Variants in PSMA3 observed in about 807,000 individuals in gnomAD.
The protein encoded by PSMA3 is proteasome 20S subunit alpha 3.
PSMA3 carries 8 observed loss-of-function variants against 40.0 expected under a neutral mutation model. The observed-to-expected ratio is 0.20, with a 90% confidence interval of 0.12 to 0.36. The LOEUF is 0.36. PSMA3 is among the 10% of genes least tolerant of loss of function. The pLI is 1.00. For synonymous variants in PSMA3, 110 were observed against 100.0 expected, an observed-to-expected ratio of 1.10 and a Z score of -0.59; for missense variants, 219 against 310.6, an observed-to-expected ratio of 0.70 and a Z score of 2.22.
rs774643902 is a variant in PSMA3, at chr14:58,270,453, C to T, written c.626C>T (p.Ala209Val). 1 of 1,613,654 alleles carries T rather than the reference C, an allele frequency of 6.2e-7. No individual in the cohort carries two copies. Among genetic ancestry groups the T allele is most frequent in the East Asian group, 2.2e-5 (1 of 44,768 alleles). ...YIVHDEVKDK[A>V]FELELSWVGE... ...GTACATGACGAAGTTAAGGATAAAG[C>T]TTTTGAACTAGAACTCAGCTGGGTT... is the stretch of plus-strand genomic sequence containing the variant. Residue 209 changes from alanine to valine, a missense_variant, in exon 9 of 11, where the codon GCT becomes GTT. Coordinates refer to ENST00000216455, the MANE Select transcript of PSMA3 (RefSeq NM_002788.4).
At chr14:58,250,988 CAG>C (rs1419749408) in intron 2 of PSMA3, among the ~76,000 whole-genome samples, 1 of 151,958 alleles carries the variant, frequency 6.6e-6, no homozygotes, top group African/African-American at 2.4e-5. Flanking sequence ...TTATCCAAAA[CAG>C]AGAAGTTGTG....
rs182820963 is a variant in PSMA3 at position 58,245,196 on chromosome 14, C to G, written c.21+255C>G. On this transcript the variant is annotated intron_variant, in intron 1 of 10. Transcript: ENST00000216455. ...GCGTCGCCGCAGTGAGGTTTGGAGC[C>G]GCTTTGGATTGCTGAGTCACTTTCT... The G allele has an allele frequency of 3.9e-5, 20 of 512,688 alleles. No individual in the cohort carries two copies. In the Admixed American group the frequency reaches 5.3e-4, roughly 14 times the overall value. The allele number at this position is 512,688 out of a possible 1,614,324, so 31.8% of individuals were successfully genotyped here. A position where few individuals can be genotyped will look rare whatever the true frequency, so the allele number is the denominator to read the frequency against.
intron 1 of PSMA3, 32 bp from the exon 2 acceptor site, chr14:58,247,718 T>C: frequency 7.0e-7 from 1 of 1,431,580 alleles, no homozygotes; most frequent in Non-Finnish European, 9.7e-7. Flanking sequence ...CTGCCAAAGA[T>C]ACAAGCTTAC....
intron 5 of PSMA3, among the ~76,000 whole-genome samples, chr14:58,259,107 T>A (rs182017259): frequency 8.5e-5 from 13 of 152,222 alleles, no homozygotes; most frequent in African/African-American, 2.4e-4. Flanking sequence ...AACAAAATTT[T>A]TTTTTGTAGA....
chr14:58,270,231 T>C, intron 8 of PSMA3, 187 bp from the exon 9 acceptor site: 2 of 808,580 alleles, frequency 2.5e-6, no homozygotes, highest in Non-Finnish European at 3.6e-6. Flanking sequence ...GAGTAGATGT[T>C]TCATTTTATT....
chr14:58,263,480 T>C lies in PSMA3; in HGVS notation c.478-225T>C, dbSNP rs1193942840. 10 of 382,028 alleles carry C rather than the reference T, an allele frequency of 2.6e-5. No homozygotes were observed. In the South Asian group the frequency reaches 3.4e-4, roughly 13 times the overall value. The allele number at this position is 382,028 out of a possible 1,614,324, so 23.7% of individuals were successfully genotyped here. On this transcript the variant is annotated intron_variant, in intron 6 of 10. Transcript: ENST00000216455. Reference sequence around the variant, plus strand: ...TATATGATTACATAATTTACATATTTTTGGATATACCTTTATTAAAAATAC... The same window carrying C: ...TATATGATTACATAATTTACATATTCTTGGATATACCTTTATTAAAAATAC...
chr14:58,255,563 G>A (rs2140084966), intron 3 of PSMA3, among the ~76,000 whole-genome samples: 1 of 152,298 alleles, frequency 6.6e-6, no homozygotes, highest in East Asian at 1.9e-4. Flanking sequence ...GAGGTCGAAA[G>A]TTCAAGACCA....
intron 6 of PSMA3, 36 bp downstream of exon 6, chr14:58,261,056 G>T: frequency 7.2e-7 from 1 of 1,396,762 alleles, no homozygotes; most frequent in Non-Finnish European, 1.0e-6. Context: ...TTCTATTTTA[G>T]TTTAATGGTA....
chr14:58,256,268 T>G (rs952640827), intron 3 of PSMA3, among the ~76,000 whole-genome samples: 1 of 152,198 alleles, frequency 6.6e-6, no homozygotes, highest in African/African-American at 2.4e-5. Context: ...AACAAAACAG[T>G]TACAGGTTGA....
intron 8 of PSMA3, 192 bp downstream of exon 8, chr14:58,267,712 G>A: frequency 9.6e-7 from 1 of 1,047,088 alleles, no homozygotes; most frequent in Non-Finnish European, 1.2e-6. Context: ...TAGTAGTAAT[G>A]AATAGGATGG....
chr14:58,258,257 G>C (rs1890194366), intron 5 of PSMA3: 2 of 371,860 alleles, frequency 5.4e-6, no homozygotes, highest in African/African-American at 2.0e-5. Context: ...GGCCAACGCA[G>C]TGAGAACCTA....
chr14:58,258,048 T>G (rs1298052324), intron 5 of PSMA3, 50 bp downstream of exon 5: 1 of 1,398,236 alleles, frequency 7.2e-7, no homozygotes, highest in East Asian at 2.3e-5. Flanking sequence ...CTATAGATAT[T>G]TATTATGTTC....
At chr14:58,260,113 TA>T (rs905914806) in intron 5 of PSMA3, among the ~76,000 whole-genome samples, 4 of 152,150 alleles carry the variant, frequency 2.6e-5, no homozygotes, top group Non-Finnish European at 4.4e-5. Flanking sequence ...CTAAGGCAAA[TA>T]TAGTTGTCCC....
chr14:58,268,546 T>C (rs545034363), intron 8 of PSMA3, among the ~76,000 whole-genome samples: 2 of 152,100 alleles, frequency 1.3e-5, no homozygotes, highest in African/African-American at 4.8e-5. Flanking sequence ...CATTCTATGA[T>C]TGTCAGTTAA....
At chr14:58,251,635 C>T (rs183853117) in intron 2 of PSMA3, among the ~76,000 whole-genome samples, 19 of 152,142 alleles carry the variant, frequency 1.2e-4, no homozygotes, top group Admixed American at 2.6e-4. Context: ...TTTTTATATA[C>T]GTATTAGAAG....
chr14:58,255,934 C>G (rs779081804), intron 3 of PSMA3, among the ~76,000 whole-genome samples: 2 of 152,186 alleles, frequency 1.3e-5, no homozygotes, highest in South Asian at 2.1e-4. Context: ...TCTCGGCTCA[C>G]TGCAGCCTCC....
chr14:58,249,506 T>TA (rs958222245), intron 2 of PSMA3, among the ~76,000 whole-genome samples: 10 of 151,708 alleles, frequency 6.6e-5, no homozygotes, highest in South Asian at 6.3e-4. Flanking sequence ...TCCTTTTTTT[T>TA]AAAAAAAACT....
intron 6 of PSMA3, among the ~76,000 whole-genome samples, chr14:58,262,650 C>T (rs1473691374): frequency 6.6e-6 from 1 of 151,544 alleles, no homozygotes; most frequent in Non-Finnish European, 1.5e-5. Context: ...GTAACCTCTG[C>T]CTCCCGGATT....
At chr14:58,271,738 A>G in intron 10 of PSMA3, 113 bp from the exon 11 acceptor site, 1 of 728,016 alleles carries the variant, frequency 1.4e-6, no homozygotes, top group East Asian at 2.7e-5. Context: ...TCATTCAGTT[A>G]CAAGTAGAGG....
Sources: gnomAD v4.1 joint callset for allele counts (sites outside exome capture counted in the v4.1 genomes callset) on GRCh38, gnomAD v4.1.1 for gene constraint, MANE v1.5 for transcripts, NCBI Gene and HGNC (gene_info 2026-07-23, HGNC 2026-07-21) for gene names.